Variants in VGLL4 observed in about 807,000 individuals in gnomAD.
The protein encoded by VGLL4 is vestigial like family member 4.
In VGLL4, 7 loss-of-function variants were observed where a neutral mutation model predicts 21.0. The ratio of observed to expected loss-of-function variants is 0.33; its 90% CI spans 0.19 to 0.63. The LOEUF is 0.63. Ranked by LOEUF, VGLL4 falls within the 20% of genes least tolerant of loss-of-function variation. VGLL4 has a pLI of 0.78. For missense variants in VGLL4, 394 were observed against 425.7 expected (o/e 0.93, Z 0.66); for synonymous variants, 222 against 173.2 (o/e 1.28, Z -2.21).
At chr3:11,679,542 G>T (rs950479773) in intron 2 of VGLL4, among the ~76,000 whole-genome samples, 2 of 152,062 alleles carry the variant, frequency 1.3e-5, no homozygotes, top group Non-Finnish European at 2.9e-5. Flanking sequence ...ACTTAGCCAG[G>T]CGTGGTAGCA....
rs1245108337 is a variant in VGLL4 at position 11,557,771 on chromosome 3, C to G, written c.*785G>C. On this transcript the variant is annotated 3_prime_UTR_variant, in exon 5 of 5. Coordinates refer to ENST00000430365, the MANE Select transcript of VGLL4 (RefSeq NM_001128219.3). Reference sequence around the variant, plus strand: ...CACGTTTAAAGCACTATGGAATCCTCCAACCTCAGCTCTAGTCTAACAAAC... The same window carrying G: ...CACGTTTAAAGCACTATGGAATCCTGCAACCTCAGCTCTAGTCTAACAAAC... 6.6e-6 allele frequency: 1 copy of G among 152,656 alleles called. No individual in the cohort carries two copies. Among genetic ancestry groups the G allele is most frequent in the Non-Finnish European group, 1.5e-5 (1 of 68,036 alleles). 9.5% of individuals were successfully genotyped at this position (152,656 alleles called of 1,614,324 possible).
intron 2 of VGLL4, among the ~76,000 whole-genome samples, chr3:11,676,413 AAATAAT>A (rs1166202347): frequency 5.8e-4 from 27 of 46,914 alleles, no homozygotes; most frequent in Non-Finnish European, 1.0e-3. Context: ...AAAAAAAATA[AAATAAT>A]AATAATAATA....
At chr3:11,603,157 T>C (rs1388267105) in intron 1 of VGLL4, among the ~76,000 whole-genome samples, 1 of 152,208 alleles carries the variant, frequency 6.6e-6, no homozygotes, top group Non-Finnish European at 1.5e-5. Flanking sequence ...TTCATACACA[T>C]ATGACAAATA....
intron 3 of VGLL4, among the ~76,000 whole-genome samples, chr3:11,564,400 G>A (rs1016027107): frequency 1.9e-4 from 13 of 69,286 alleles, no homozygotes; most frequent in Non-Finnish European, 3.2e-4. Context: ...AAGGAGAAAC[G>A]TAGGACCCCC....
intron 1 of VGLL4, among the ~76,000 whole-genome samples, chr3:11,634,582 C>T (rs1351543164): frequency 6.6e-6 from 1 of 152,178 alleles, no homozygotes; most frequent in Non-Finnish European, 1.5e-5. Context: ...TTTATGCCCG[C>T]CTACTCACCC....
At chr3:11,662,972 A>C (rs2076058089) in intron 2 of VGLL4, among the ~76,000 whole-genome samples, 1 of 152,248 alleles carries the variant, frequency 6.6e-6, no homozygotes. Flanking sequence ...CTAGGAAATA[A>C]AATTATTTTG....
chr3:11,628,372 G>C (rs2075399417), intron 1 of VGLL4, among the ~76,000 whole-genome samples: 1 of 149,332 alleles, frequency 6.7e-6, no homozygotes, highest in African/African-American at 2.5e-5. Context: ...TGGGCAACAA[G>C]AGTGAAACTC....
chr3:11,573,171 A>T (rs2073840080), intron 2 of VGLL4, among the ~76,000 whole-genome samples: 1 of 151,756 alleles, frequency 6.6e-6, no homozygotes. Context: ...GTCTCAAGAA[A>T]GAAAGACAGA....
intron 2 of VGLL4, among the ~76,000 whole-genome samples, chr3:11,591,317 A>G (rs1454659718): frequency 6.6e-6 from 1 of 152,222 alleles, no homozygotes; most frequent in Non-Finnish European, 1.5e-5. Context: ...TCCCACTTTT[A>G]TAAACTTCAT....
At chr3:11,625,330 T>C (rs1226030421) in intron 1 of VGLL4, among the ~76,000 whole-genome samples, 1 of 152,242 alleles carries the variant, frequency 6.6e-6, no homozygotes, top group Non-Finnish European at 1.5e-5. Context: ...TTTGCCTCTA[T>C]GACAACAAAA....
At chr3:11,637,931 T>C (rs1423123626) in intron 1 of VGLL4, among the ~76,000 whole-genome samples, 1 of 152,210 alleles carries the variant, frequency 6.6e-6, no homozygotes, top group East Asian at 1.9e-4. Context: ...TGAGCTTCAA[T>C]GTGCAATAAT....
rs185592910 is a variant in VGLL4 at position 11,573,178 on chromosome 3, C to G, written c.273-8159G>C. On this transcript the variant is annotated intron_variant, in intron 2 of 4. Transcript: ENST00000430365. ...AAGACTCCGTCTCAAGAAAGAAAGA[C>G]AGACAGACAGACAGAAAGAAAGAAA... 2.0e-5 allele frequency among the ~76,000 whole-genome samples: 3 copies of G among 146,726 alleles called. No individual in the cohort carries two copies. The Admixed American group carries it at 2.1e-4, about 10-fold the overall frequency.
intron 2 of VGLL4, among the ~76,000 whole-genome samples, chr3:11,664,733 C>A (rs925881426): frequency 6.6e-6 from 1 of 152,142 alleles, no homozygotes; most frequent in Non-Finnish European, 1.5e-5. Context: ...GAGGTACTAC[C>A]AAATTCCCTA....
chr3:11,582,150 A>G, intron 2 of VGLL4: 2 of 1,042,854 alleles, frequency 1.9e-6, no homozygotes, highest in Non-Finnish European at 2.9e-6. Context: ...TGTCCCTTCT[A>G]AGCAAAGACT....
intron 2 of VGLL4, among the ~76,000 whole-genome samples, chr3:11,573,281 A>G (rs796274243): frequency 0.28 from 4,707 of 17,108 alleles, 633 homozygotes; most frequent in South Asian, 0.47. Context: ...GAAAGAAAGA[A>G]AGAAAGAAAG....
chr3:11,617,272 G>C (rs548797314), intron 1 of VGLL4, among the ~76,000 whole-genome samples: 1 of 152,164 alleles, frequency 6.6e-6, no homozygotes, highest in Non-Finnish European at 1.5e-5. Flanking sequence ...ATCTTTGTGC[G>C]AGAGCAATGG....
intron 2 of VGLL4, among the ~76,000 whole-genome samples, chr3:11,692,733 GT>G (rs1259057860): frequency 4.2e-5 from 5 of 119,314 alleles, no homozygotes; most frequent in African/African-American, 1.6e-4. Flanking sequence ...GTTTGGGTTG[GT>G]TTTTTTGAGG....
chr3:11,567,751 G>A (rs1324295449), intron 2 of VGLL4, among the ~76,000 whole-genome samples: 1 of 152,194 alleles, frequency 6.6e-6, no homozygotes, highest in Non-Finnish European at 1.5e-5. Flanking sequence ...ACGGGACTTG[G>A]TTCCTGAATA....
chr3:11,688,067 G>A (rs2076476784), intron 2 of VGLL4, among the ~76,000 whole-genome samples: 1 of 151,804 alleles, frequency 6.6e-6, no homozygotes. Context: ...CCTTTAATCT[G>A]TTAAAGTAAT....
Sources: gnomAD v4.1 joint callset for allele counts (sites outside exome capture counted in the v4.1 genomes callset) on GRCh38, gnomAD v4.1.1 for gene constraint, MANE v1.5 for transcripts, NCBI Gene and HGNC (gene_info 2026-07-23, HGNC 2026-07-21) for gene names.